TNRC18: variants seen among roughly 807,000 people sequenced by gnomAD.
The protein encoded by TNRC18 is trinucleotide repeat-containing gene 18 protein.
TNRC18 carries 69 observed loss-of-function variants against 226.7 expected under a neutral mutation model. The ratio of observed to expected loss-of-function variants is 0.30; its 90% CI spans 0.25 to 0.37. TNRC18 has a LOEUF of 0.37. TNRC18 is among the 10% of genes least tolerant of loss of function. TNRC18 has a pLI of 1.00. For missense variants in TNRC18, 4,754 were observed against 4,256.6 expected, an observed-to-expected ratio of 1.12 and a Z score of -3.25; for synonymous variants, 2,449 against 1,927.6, an observed-to-expected ratio of 1.27 and a Z score of -7.09.
chr7:5,362,109 G>T, intron 12 of TNRC18, 76 bp from the exon 13 acceptor site: 2 of 1,548,380 alleles, frequency 1.3e-6, no homozygotes, highest in Non-Finnish European at 1.7e-6. Context: ...ACCCAGGGGT[G>T]CCCCTGAGGA....
At chr7:5,376,262 G>A (rs1236774894) in intron 8 of TNRC18, 38 bp from the exon 9 acceptor site, 7 of 1,415,890 alleles carry the variant, frequency 4.9e-6, no homozygotes, top group Non-Finnish European at 6.5e-6. Context: ...CCTGCGGCCT[G>A]ATGCTCCACC....
intron 15 of TNRC18, 38 bp from the exon 16 acceptor site, chr7:5,357,314 A>C (rs1792545521): frequency 1.3e-6 from 2 of 1,571,538 alleles, no homozygotes; most frequent in East Asian, 4.6e-5. Flanking sequence ...AAAAGATCTG[A>C]CAAAACAGTA....
At chr7:5,402,072 C>A (rs186676185) in intron 2 of TNRC18, among the ~76,000 whole-genome samples, 123 of 150,612 alleles carry the variant, frequency 8.2e-4, no homozygotes, top group African/African-American at 2.9e-3. Context: ...CCAGCTACTC[C>A]GGAGGCTGAG....
chr7:5,400,493 C>T (rs1781009466), intron 2 of TNRC18, among the ~76,000 whole-genome samples: 2 of 152,014 alleles, frequency 1.3e-5, no homozygotes, highest in African/African-American at 4.8e-5. Context: ...CCCTATAGTC[C>T]CAGCTACTCG....
At position 5,313,034 on chromosome 7, in the gene TNRC18, T is replaced by TGAGGAG. The variant is rs771656213; in HGVS notation, c.7851_7856dup (p.Ser2670_Ser2671dup). 60,877 of 806,026 alleles carry TGAGGAG rather than the reference T, an allele frequency of 0.076. 1,416 individuals carry two copies. The highest frequency in any genetic ancestry group is 0.11 in the Admixed American group (5,107 of 45,296). 49.9% of individuals were successfully genotyped at this position (806,026 alleles called of 1,614,324 possible). A position where few individuals can be genotyped will look rare whatever the true frequency, so the allele number is the denominator to read the frequency against. Reference sequence around the variant, plus strand: ...AGGAGGAGGAGGAGGAGGAGGAGGATGAGGAGGAGGAGGAGGAGGCCGGTG... The same window carrying TGAGGAG: ...AGGAGGAGGAGGAGGAGGAGGAGGATGAGGAGGAGGAGGAGGAGGAGGAGGCCGGTG... On this transcript the variant is annotated inframe_insertion, in exon 27 of 30. Transcript: ENST00000430969.
intron 9 of TNRC18, among the ~76,000 whole-genome samples, chr7:5,375,088 T>C (rs1459664122): frequency 6.6e-6 from 1 of 152,178 alleles, no homozygotes; most frequent in Non-Finnish European, 1.5e-5. Context: ...GGCGGGTGGA[T>C]CACCTGAGGC....
chr7:5,314,795 A>G (rs552580535), intron 26 of TNRC18, among the ~76,000 whole-genome samples, 189 bp downstream of exon 26: 1 of 150,774 alleles, frequency 6.6e-6, no homozygotes, highest in Non-Finnish European at 1.5e-5. Flanking sequence ...CTGGTCTTGA[A>G]CTCCTGACAT....
chr7:5,307,346 T>C lies in TNRC18; in HGVS notation c.*760A>G, dbSNP rs1249770341. 10 of 190,096 alleles carry C rather than the reference T, an allele frequency of 5.3e-5. No individual in the cohort carries two copies. The East Asian group carries it at 9.2e-4, about 18-fold the overall frequency. The allele number at this position is 190,096 out of a possible 1,614,324, so 11.8% of individuals were successfully genotyped here. ...ATGATACAGGGGCGGGGCGAGTCTC[T>C]TGGTACAATAAAACTGTACAGGTTA... is the stretch of plus-strand genomic sequence containing the variant. On this transcript the variant is annotated 3_prime_UTR_variant, in exon 30 of 30. Transcript: ENST00000430969.
intron 18 of TNRC18, 46 bp downstream of exon 18, chr7:5,345,516 C>CTGGGGGGG: frequency 2.8e-6 from 1 of 354,366 alleles, no homozygotes; most frequent in Admixed American, 4.9e-5. Flanking sequence ...CAATGGCGTC[C>CTGGGGGGG]GCCCCTCCCA....
chr7:5,384,371 G>T (rs902441988), intron 5 of TNRC18, among the ~76,000 whole-genome samples: 1 of 152,188 alleles, frequency 6.6e-6, no homozygotes, highest in African/African-American at 2.4e-5. Flanking sequence ...GAAGTGCTGG[G>T]ATTACAGGCC....
Position 5,368,287 on chromosome 7 carries a change from C to T in TNRC18, c.4219+2088G>A, listed in dbSNP as rs190677439. ...TTCGCGACCAGCCTGGCCAACATGGCGAAACCCCATCTCTACTTTTTGTAA... is the reference window on the plus strand; with the variant it reads ...TTCGCGACCAGCCTGGCCAACATGGTGAAACCCCATCTCTACTTTTTGTAA... On this transcript the variant is annotated intron_variant, in intron 11 of 29. Coordinates refer to ENST00000430969, the MANE Select transcript of TNRC18 (RefSeq NM_001080495.3). Among the ~76,000 whole-genome samples the T allele has an allele frequency of 2.9e-3, 422 of 144,370 alleles. 2 individuals carry two copies. The highest frequency in any genetic ancestry group is 0.018 in the Middle Eastern group (5 of 274). 94.7% of individuals were successfully genotyped at this position (144,370 alleles called of 152,430 possible).
chr7:5,321,756 C>A (rs1344045231), intron 21 of TNRC18, among the ~76,000 whole-genome samples: 2 of 151,876 alleles, frequency 1.3e-5, no homozygotes, highest in African/African-American at 4.8e-5. Flanking sequence ...ACTGCAACCT[C>A]TGCCTCCCAG....
At chr7:5,376,374 G>C (rs1173755868) in intron 8 of TNRC18, 150 bp from the exon 9 acceptor site, 4 of 734,338 alleles carry the variant, frequency 5.4e-6, no homozygotes, top group East Asian at 2.9e-5. Flanking sequence ...CCAGGGGCCA[G>C]GAAGTTTGTC....
In TNRC18 at chr7:5,309,099, G is replaced by A; in HGVS notation, c.8625+33C>T. On this transcript the variant is annotated intron_variant, in intron 28 of 29. Transcript: ENST00000430969. This position sits in a 1 kb window ranked among gnomAD's most constrained non-coding sequence, Gnocchi z 5.7. ...CCTCAGGTCTGCCCTACACCGCCTA[G>A]GACTGGGGGCCGCAGCCGGGCCGCA... The A allele has an allele frequency of 1.3e-6, 2 of 1,568,504 alleles. No individual in the cohort carries two copies. Among genetic ancestry groups the A allele is most frequent in the South Asian group, 1.2e-5 (1 of 86,490 alleles).
chr7:5,417,781 T>C (rs144406767), intron 2 of TNRC18, among the ~76,000 whole-genome samples: 1 of 152,164 alleles, frequency 6.6e-6, no homozygotes, highest in African/African-American at 2.4e-5. Context: ...TTGTCGCCTC[T>C]AACCAGAGAA....
chr7:5,319,745 G>A (rs1788163253), intron 24 of TNRC18, among the ~76,000 whole-genome samples: 1 of 152,158 alleles, frequency 6.6e-6, no homozygotes. Flanking sequence ...CTGACCTCAA[G>A]TGATTCCACC....
rs1782580899 is a variant in TNRC18, at chr7:5,421,417, G to GGCGCACAGGCGGCCGGC, written c.-188_-172dup. The GGCGCACAGGCGGCCGGC allele has an allele frequency of 2.5e-6, 1 of 404,736 alleles. No homozygotes were observed. Among genetic ancestry groups the GGCGCACAGGCGGCCGGC allele is most frequent in the African/African-American group, 2.2e-5 (1 of 45,878 alleles). The allele number at this position is 404,736 out of a possible 1,614,324, so 25.1% of individuals were successfully genotyped here. A position where few individuals can be genotyped will look rare whatever the true frequency, so the allele number is the denominator to read the frequency against. On this transcript the variant is annotated 5_prime_UTR_variant, in exon 2 of 30. The change abolishes the stop of an existing upstream ORF in the 5' untranslated region. Coordinates refer to ENST00000430969, the MANE Select transcript of TNRC18 (RefSeq NM_001080495.3). The stretch of plus-strand genomic sequence containing the variant: ...GCTCGGCGGCGGGCCCGCGGCCCGG[G>GGCGCACAGGCGGCCGGC]GCGCACAGGCGGCCGGCGGTGGGGC...
In TNRC18 at chr7:5,356,830, C is replaced by G. The variant is rs74302778; in HGVS notation, c.5194+86G>C. The G allele has an allele frequency of 0.025, 20,046 of 800,026 alleles. 207 individuals carry two copies. The highest frequency in any genetic ancestry group is 0.075 in the African/African-American group (3,489 of 46,536). The allele number at this position is 800,026 out of a possible 1,614,324, so 49.6% of individuals were successfully genotyped here. On this transcript the variant is annotated intron_variant, in intron 16 of 29. Transcript: ENST00000430969. The stretch of plus-strand genomic sequence containing the variant: ...CGAGAGCGAGAGAGAGAGTGAGGGG[C>G]GGGGGGGGAAGGAGGACGGTGGAGA...
At chr7:5,399,144 C>T (rs1486850714) in intron 2 of TNRC18, among the ~76,000 whole-genome samples, 3 of 152,150 alleles carry the variant, frequency 2.0e-5, no homozygotes, top group Non-Finnish European at 4.4e-5. Context: ...ACACCCACAC[C>T]CAAGGACCGA....
Sources: allele counts gnomAD v4.1 joint callset (sites outside exome capture counted in the v4.1 genomes callset), GRCh38; gene constraint gnomAD v4.1.1; non-coding constraint Gnocchi (gnomAD v3.1); transcripts MANE v1.5; gene names NCBI Gene and HGNC (gene_info 2026-07-23, HGNC 2026-07-21).